Variants in CYP39A1 observed in about 807,000 individuals in gnomAD.
CYP39A1 encodes the protein 24-hydroxycholesterol 7-alpha-hydroxylase.
Under a neutral mutation model 58.1 loss-of-function variants are expected in CYP39A1, and 49 were observed. The ratio of observed to expected loss-of-function variants is 0.84; its 90% confidence interval spans 0.67 to 1.07. The LOEUF (loss-of-function observed/expected upper bound fraction) is 1.07. Ranked by LOEUF, CYP39A1 falls within the 50% of genes least tolerant of loss-of-function variation. The pLI is 0.00. For synonymous variants in CYP39A1, 209 were observed against 187.6 expected, an observed-to-expected ratio of 1.11 and a Z score of -0.93; for missense variants, 531 against 539.4, an observed-to-expected ratio of 0.98 and a Z score of 0.16.
chr6:46,594,837 T>C (rs933912263), intron 8 of CYP39A1, among the ~76,000 whole-genome samples: 27 of 152,058 alleles, frequency 1.8e-4, no homozygotes, highest in Non-Finnish European at 2.9e-5. Flanking sequence ...AAAAAGCTTA[T>C]GTATAGCCAA....
Position 46,639,583 on chromosome 6 carries a change from A to C in CYP39A1, c.399T>G (p.His133Gln), listed in dbSNP as rs776160543. 1 of 1,614,096 alleles carries C rather than the reference A, an allele frequency of 6.2e-7. No homozygotes were observed. Among genetic ancestry groups the C allele is most frequent in the South Asian group, 1.1e-5 (1 of 91,074 alleles). Residue 133 changes from histidine to glutamine, a missense_variant, in exon 3 of 12, where the codon CAT becomes CAG. His to Gln is a conservative substitution (Grantham distance 24). Transcript: ENST00000275016. ...CTTCAGTCAGTTGCCCAGTAAACTG[A>C]TGGAGATTGACAGTCCCCATTTTCC... is the stretch of plus-strand genomic sequence containing the variant. ...LKGKMGTVNL[H>Q]QFTGQLTEEL...
chr6:46,621,688 A>G (rs1774966840), intron 7 of CYP39A1, among the ~76,000 whole-genome samples: 1 of 152,150 alleles, frequency 6.6e-6, no homozygotes. Context: ...CTCAAAAAGA[A>G]AATCTTAGGA....
chr6:46,580,602 C>A (rs986050031), intron 10 of CYP39A1, among the ~76,000 whole-genome samples: 1 of 152,016 alleles, frequency 6.6e-6, no homozygotes, highest in Non-Finnish European at 1.5e-5. Context: ...TTGGCATATG[C>A]ATCTCACAAA....
intron 7 of CYP39A1, among the ~76,000 whole-genome samples, chr6:46,616,697 G>C (rs1018918330): frequency 1.3e-5 from 2 of 152,150 alleles, no homozygotes; most frequent in African/African-American, 4.8e-5. Context: ...TAACGGGAGT[G>C]CAACAAATAT....
chr6:46,550,465 A>G (rs773701256), intron 11 of CYP39A1, 28 bp from the exon 12 acceptor site: 3 of 1,590,428 alleles, frequency 1.9e-6, no homozygotes, highest in Non-Finnish European at 1.7e-6. Context: ...GAAGAAATAG[A>G]AATTAAGAGA....
intron 10 of CYP39A1, among the ~76,000 whole-genome samples, chr6:46,579,940 T>C (rs991589085): frequency 1.3e-5 from 2 of 152,164 alleles, no homozygotes; most frequent in African/African-American, 2.4e-5. Context: ...ACAAGGAATT[T>C]AAATATTCAA....
chr6:46,552,333 T>G (rs1282884759), intron 11 of CYP39A1, among the ~76,000 whole-genome samples: 2 of 152,180 alleles, frequency 1.3e-5, no homozygotes, highest in Non-Finnish European at 2.9e-5. Context: ...AGACCCTTTG[T>G]GAGAGTTGTT....
intron 5 of CYP39A1, among the ~76,000 whole-genome samples, chr6:46,631,328 CA>C (rs1189109964): frequency 1.3e-5 from 2 of 152,196 alleles, no homozygotes; most frequent in African/African-American, 4.8e-5. Flanking sequence ...TGACCTTGAA[CA>C]AGCTACTTTA....
At chr6:46,560,938 G>A (rs1332784092) in intron 10 of CYP39A1, among the ~76,000 whole-genome samples, 1 of 152,118 alleles carries the variant, frequency 6.6e-6, no homozygotes, top group Non-Finnish European at 1.5e-5. Context: ...TTTCATGGAA[G>A]GTGTGAGCCA....
intron 7 of CYP39A1, among the ~76,000 whole-genome samples, chr6:46,611,604 T>C (rs1328119121): frequency 1.3e-5 from 2 of 152,176 alleles, no homozygotes; most frequent in Non-Finnish European, 2.9e-5. Context: ...GCTTCTCTCA[T>C]ATTTTAAAAA....
chr6:46,639,701 CA>C (rs1776210658), intron 2 of CYP39A1, 33 bp from the exon 3 acceptor site: 7 of 1,562,702 alleles, frequency 4.5e-6, no homozygotes, highest in Non-Finnish European at 5.2e-6. Context: ...TCAAAATAAG[CA>C]ACAACTCCTT....
intron 7 of CYP39A1, among the ~76,000 whole-genome samples, chr6:46,606,989 C>T (rs2150542308): frequency 6.6e-6 from 1 of 152,200 alleles, no homozygotes; most frequent in East Asian, 1.9e-4. Context: ...TCATTTATTC[C>T]TCATAGATAT....
chr6:46,596,121 C>T lies in CYP39A1; in HGVS notation c.932-1G>A, dbSNP rs771229419. 6.3e-7 allele frequency: 1 copy of T among 1,593,122 alleles called. No homozygotes were observed. The highest frequency in any genetic ancestry group is 8.5e-7 in the Non-Finnish European group (1 of 1,172,170). On this transcript the variant is annotated splice_acceptor_variant, in intron 7 of 11. Transcript: ENST00000275016. LOFTEE classifies it high-confidence loss of function. ...TCAGACACTTTAATCTTATCTTTGC[C>T]TGTAAAAAAATTTTTAATGAGAAAT...
chr6:46,593,039 A>G (rs914822848), intron 8 of CYP39A1, among the ~76,000 whole-genome samples: 3 of 152,158 alleles, frequency 2.0e-5, no homozygotes, highest in African/African-American at 7.2e-5. Flanking sequence ...AAGAAAATGG[A>G]CTATTATGTG....
chr6:46,634,524 C>T (rs9472811), intron 5 of CYP39A1, among the ~76,000 whole-genome samples: 30,750 of 131,002 alleles, frequency 0.23, 4,294 homozygotes, highest in African/African-American at 0.38. Context: ...TTTCTTTTTG[C>T]TTTTTTTTTT....
intron 10 of CYP39A1, among the ~76,000 whole-genome samples, chr6:46,568,385 A>G (rs545857036): frequency 6.6e-6 from 1 of 152,166 alleles, no homozygotes; most frequent in South Asian, 2.1e-4. Flanking sequence ...CTTTTGATGC[A>G]CAAAATTTTT....
At chr6:46,644,345 A>G (rs1776519946) in intron 1 of CYP39A1, among the ~76,000 whole-genome samples, 1 of 152,162 alleles carries the variant, frequency 6.6e-6, no homozygotes, top group Admixed American at 6.6e-5. Context: ...CCACTGTATG[A>G]ATGTACGACA....
intron 10 of CYP39A1, among the ~76,000 whole-genome samples, chr6:46,554,563 A>G (rs1770571667): frequency 6.6e-6 from 1 of 152,134 alleles, no homozygotes; most frequent in African/African-American, 2.4e-5. Context: ...TTATGCACAT[A>G]TACTACACTG....
rs933883067 is a variant in CYP39A1 at position 46,636,301 on chromosome 6, A to C, written c.732+88T>G. 1.3e-5 allele frequency: 12 copies of C among 915,622 alleles called. No individual in the cohort carries two copies. In the African/African-American group the frequency reaches 1.8e-4, roughly 14 times the overall value. 56.7% of individuals were successfully genotyped at this position (915,622 alleles called of 1,614,324 possible). ...GTTGACACAAAAATGGTATCTAATCAATCTCATGTGTTTTAGCAAAATATA... is the reference window on the plus strand; with the variant it reads ...GTTGACACAAAAATGGTATCTAATCCATCTCATGTGTTTTAGCAAAATATA... On this transcript the variant is annotated intron_variant, in intron 5 of 11. Transcript: ENST00000275016.
Sources: allele counts gnomAD v4.1 joint callset (sites outside exome capture counted in the v4.1 genomes callset), GRCh38; gene constraint gnomAD v4.1.1; transcripts MANE v1.5; gene names NCBI Gene and HGNC (gene_info 2026-07-23, HGNC 2026-07-21).